NKAIN2: variants seen among roughly 807,000 people sequenced by gnomAD.
The protein encoded by NKAIN2 is sodium/potassium-transporting ATPase subunit beta-1-interacting protein 2.
In NKAIN2, 14 loss-of-function variants were observed where a neutral mutation model predicts 32.6. The ratio of observed to expected loss-of-function variants is 0.43; its 90% confidence interval spans 0.28 to 0.67. The LOEUF is 0.67. NKAIN2 is among the 30% of genes least tolerant of loss of function. NKAIN2 has a pLI of 0.17. For synonymous variants in NKAIN2, 80 were observed against 87.2 expected, an observed-to-expected ratio of 0.92 and a Z score of 0.46; for missense variants, 198 against 258.3, an observed-to-expected ratio of 0.77 and a Z score of 1.60.
chr6:124,690,317 A>G (rs1325204068), intron 4 of NKAIN2, among the ~76,000 whole-genome samples: 1 of 152,098 alleles, frequency 6.6e-6, no homozygotes, highest in Non-Finnish European at 1.5e-5. Context: ...ACCTTGCTAC[A>G]ATTGCTATGA....
chr6:124,282,629 A>G (rs1345326900), intron 1 of NKAIN2, among the ~76,000 whole-genome samples: 4 of 152,212 alleles, frequency 2.6e-5, no homozygotes, highest in African/African-American at 9.6e-5. Context: ...TTATATAATG[A>G]CGTTTGAACA....
intron 2 of NKAIN2, among the ~76,000 whole-genome samples, chr6:124,326,599 A>G (rs1205940416): frequency 4.6e-5 from 7 of 151,950 alleles, no homozygotes; most frequent in African/African-American, 7.2e-5. Context: ...TTCCTCTACT[A>G]TTTACTCACC....
intron 1 of NKAIN2, among the ~76,000 whole-genome samples, chr6:123,960,742 A>G (rs554982326): frequency 2.4e-4 from 36 of 151,846 alleles, no homozygotes; most frequent in African/African-American, 8.0e-4. Context: ...TAGAGGGTCT[A>G]TATTAGGTGT....
chr6:124,433,808 A>G (rs1011769379), intron 3 of NKAIN2, among the ~76,000 whole-genome samples: 2 of 152,182 alleles, frequency 1.3e-5, no homozygotes, highest in African/African-American at 4.8e-5. Flanking sequence ...TCCATTCGCC[A>G]GGAGCCTCTC....
chr6:124,598,995 A>G (rs2114976485), intron 3 of NKAIN2, among the ~76,000 whole-genome samples: 1 of 151,142 alleles, frequency 6.6e-6, no homozygotes, highest in Non-Finnish European at 1.5e-5. Flanking sequence ...ATAGACCAGT[A>G]AAGGTAATGA....
chr6:124,355,375 A>G (rs773192452), intron 3 of NKAIN2, 28 bp downstream of exon 3: 4 of 1,280,868 alleles, frequency 3.1e-6, no homozygotes, highest in East Asian at 2.3e-5. Context: ...TGCCTGAGTC[A>G]TCAGTAGGGT....
chr6:124,461,565 A>C (rs2114648102), intron 3 of NKAIN2, among the ~76,000 whole-genome samples: 1 of 151,794 alleles, frequency 6.6e-6, no homozygotes, highest in South Asian at 2.1e-4. Context: ...AAGTTTCCTA[A>C]ATTTTGGCTT....
At chr6:124,779,955 G>T (rs1779184222) in intron 4 of NKAIN2, among the ~76,000 whole-genome samples, 1 of 152,172 alleles carries the variant, frequency 6.6e-6, no homozygotes, top group African/African-American at 2.4e-5. Flanking sequence ...TGTCTCAAAA[G>T]TTAGTGATAA....
At chr6:124,483,652 G>A (rs1195316993) in intron 3 of NKAIN2, among the ~76,000 whole-genome samples, 1 of 151,938 alleles carries the variant, frequency 6.6e-6, no homozygotes, top group East Asian at 1.9e-4. Context: ...TACAAATATG[G>A]ACTTCATATT....
intron 4 of NKAIN2, among the ~76,000 whole-genome samples, chr6:124,780,490 G>A (rs940326573): frequency 2.1e-4 from 32 of 152,100 alleles, no homozygotes; most frequent in Non-Finnish European, 4.0e-4. Context: ...ACAGAGAAAT[G>A]CCTTATTCAA....
chr6:123,915,457 T>C (rs1024942328), intron 1 of NKAIN2, among the ~76,000 whole-genome samples: 7 of 152,174 alleles, frequency 4.6e-5, no homozygotes, highest in African/African-American at 1.2e-4. Flanking sequence ...CACCACATAG[T>C]ACTTTCTAAC....
At chr6:124,637,910 TAATACTTGTATGGAACCAC>T (rs1272807458) in intron 3 of NKAIN2, among the ~76,000 whole-genome samples, 40 of 152,280 alleles carry the variant, frequency 2.6e-4, no homozygotes, top group African/African-American at 9.6e-4. Flanking sequence ...AAAACAATTC[TAATACTTGTATGGAACCAC>T]AAAAGACCTC....
intron 1 of NKAIN2, among the ~76,000 whole-genome samples, chr6:123,861,562 A>G (rs768318436): frequency 1.3e-5 from 2 of 152,180 alleles, no homozygotes; most frequent in Non-Finnish European, 2.9e-5. Context: ...AAGTCATACT[A>G]AATTTTATTG....
intron 6 of NKAIN2, among the ~76,000 whole-genome samples, chr6:124,820,640 G>A (rs773912931): frequency 9.2e-5 from 14 of 152,182 alleles, no homozygotes; most frequent in African/African-American, 1.9e-4. Context: ...CCCCTGGGCC[G>A]TGAATAGTCC....
chr6:124,471,422 G>A (rs2114673425), intron 3 of NKAIN2, among the ~76,000 whole-genome samples: 1 of 152,002 alleles, frequency 6.6e-6, no homozygotes, highest in East Asian at 1.9e-4. Context: ...TTTTGCTTTT[G>A]GGATTTTACT....
intron 1 of NKAIN2, among the ~76,000 whole-genome samples, chr6:124,243,548 T>G (rs1008031738): frequency 6.6e-5 from 10 of 151,840 alleles, no homozygotes; most frequent in Non-Finnish European, 1.3e-4. Flanking sequence ...CTGGGAAGTT[T>G]GAGGAATTTG....
At chr6:124,356,500 G>A (rs1583113076) in intron 3 of NKAIN2, among the ~76,000 whole-genome samples, 1 of 152,312 alleles carries the variant, frequency 6.6e-6, no homozygotes, top group African/African-American at 2.4e-5. Context: ...TCTTGGATGT[G>A]TAATTTTATG....
intron 5 of NKAIN2, chr6:124,804,663 C>T (rs528530866): frequency 3.3e-5 from 5 of 152,300 alleles, no homozygotes; most frequent in African/African-American, 4.8e-5. Flanking sequence ...GTGCAGCGCA[C>T]TGTGCGTGAG....
chr6:124,300,971 A>G (rs888324120), intron 2 of NKAIN2, among the ~76,000 whole-genome samples: 8 of 152,224 alleles, frequency 5.3e-5, no homozygotes, highest in African/African-American at 1.9e-4. Context: ...AAATTTGCAT[A>G]AGTAACAAGG....
Sources: gnomAD v4.1 joint callset for allele counts (sites outside exome capture counted in the v4.1 genomes callset) on GRCh38, gnomAD v4.1.1 for gene constraint, MANE v1.5 for transcripts, NCBI Gene and HGNC (gene_info 2026-07-23, HGNC 2026-07-21) for gene names.